The following GORASP2 variants were observed in gnomAD, a reference collection of about 807,000 sequenced individuals.
GORASP2 encodes the protein golgi reassembly stacking protein 2.
GORASP2 carries 22 observed loss-of-function variants against 45.7 expected under a neutral mutation model. The observed-to-expected ratio is 0.48, with a 90% confidence interval of 0.34 to 0.69. The LOEUF is 0.69. GORASP2 is among the 30% of genes least tolerant of loss of function. The probability of loss-of-function intolerance (pLI) is 0.01; values close to 1 mark genes in which losing one functional copy is unlikely to be tolerated. For synonymous variants in GORASP2, 221 were observed against 215.6 expected (o/e 1.02, Z -0.22); for missense variants, 491 against 562.7 (o/e 0.87, Z 1.29).
At chr2:170,937,897 A>AG (rs1703993358) in intron 1 of GORASP2, among the ~76,000 whole-genome samples, 1 of 152,242 alleles carries the variant, frequency 6.6e-6, no homozygotes, top group Non-Finnish European at 1.5e-5. Context: ...CAACCACCAG[A>AG]GACCACCTTT....
At chr2:170,929,427 G>T in intron 1 of GORASP2, 24 bp downstream of exon 1, 1 of 1,357,470 alleles carries the variant, frequency 7.4e-7, no homozygotes, top group Non-Finnish European at 9.5e-7. Context: ...CGGCGGCCGG[G>T]GAGCTGCGGG....
In GORASP2 at chr2:170,966,025, T is replaced by C; in HGVS notation, c.1254T>C (p.Thr418=). ...SSLTVDVTPP[T]AKAPTTVEDR... ...TCACTGTGGATGTGACGCCCCCCAC[T>C]GCCAAGGCCCCCACCACCGTTGAGG... Residue 418 remains threonine (T), a synonymous_variant, in exon 10 of 10, where the codon ACT becomes ACC. Transcript: ENST00000234160. 2 of 1,613,854 alleles carry C rather than the reference T, an allele frequency of 1.2e-6. No individual in the cohort carries two copies.
chr2:170,949,790 G>T, intron 3 of GORASP2, 48 bp downstream of exon 3: 1 of 1,381,422 alleles, frequency 7.2e-7, no homozygotes, highest in South Asian at 1.2e-5. Flanking sequence ...AAGCAGTGTG[G>T]AAAGATGTTT....
intron 1 of GORASP2, among the ~76,000 whole-genome samples, chr2:170,939,530 A>C (rs983927495): frequency 6.6e-6 from 1 of 152,232 alleles, no homozygotes; most frequent in Admixed American, 6.5e-5. Flanking sequence ...TATCAGATGG[A>C]AAATTCCAGA....
At chr2:170,933,495 C>T (rs1703875176) in intron 1 of GORASP2, among the ~76,000 whole-genome samples, 7 of 152,122 alleles carry the variant, frequency 4.6e-5, no homozygotes, top group Admixed American at 4.6e-4. Context: ...AGATAGAATG[C>T]TATACATTCG....
Position 170,966,039 on chromosome 2 carries a change from C to A in GORASP2, c.1268C>A (p.Thr423Asn). ...ACGCCCCCCACTGCCAAGGCCCCCA[C>A]CACCGTTGAGGACAGAGTCGGCGAC... ...DVTPPTAKAP[T>N]TVEDRVGDST... Residue 423 changes from threonine (T) to asparagine (N), a missense_variant, in exon 10 of 10, where the codon ACC becomes AAC. Around this residue, in one of 2 missense-constraint regions of GORASP2, gnomAD observed 297 missense variants for 292.3 expected, o/e 1.02. Transcript: ENST00000234160. The A allele has an allele frequency of 1.2e-6, 2 of 1,613,944 alleles. No homozygotes were observed. The highest frequency in any genetic ancestry group is 1.7e-6 in the Non-Finnish European group (2 of 1,179,874).
chr2:170,942,784 CTG>C (rs1395066047), intron 1 of GORASP2, among the ~76,000 whole-genome samples: 1 of 152,214 alleles, frequency 6.6e-6, no homozygotes, highest in South Asian at 2.1e-4. Context: ...ATCTGCCAAA[CTG>C]TTTTCCACAG....
intron 1 of GORASP2, among the ~76,000 whole-genome samples, chr2:170,932,019 A>G (rs1417330641): frequency 6.6e-6 from 1 of 152,350 alleles, no homozygotes; most frequent in East Asian, 1.9e-4. Context: ...TGAGGTCAGG[A>G]GTTCGAGACC....
intron 8 of GORASP2, 148 bp from the exon 9 acceptor site, chr2:170,962,691 A>G (rs1704590926): frequency 1.7e-6 from 1 of 604,916 alleles, no homozygotes. Context: ...TTTGTTATTT[A>G]TATTGTTATG....
intron 1 of GORASP2, among the ~76,000 whole-genome samples, chr2:170,940,598 G>A (rs1234717279): frequency 6.6e-6 from 1 of 151,312 alleles, no homozygotes; most frequent in Admixed American, 6.6e-5. Context: ...AACTTTTAAT[G>A]ATACGGGATC....
intron 9 of GORASP2, among the ~76,000 whole-genome samples, chr2:170,964,892 A>ATTTTTTTT (rs1199571345): frequency 3.9e-4 from 25 of 64,704 alleles, no homozygotes; most frequent in Non-Finnish European, 4.9e-4. Flanking sequence ...ATGCATTTTA[A>ATTTTTTTT]TTTTTTTTTT....
chr2:170,954,747 A>G lies in GORASP2; in HGVS notation c.664A>G (p.Thr222Ala). The change falls in exon 6 of 10, where the codon ACA becomes GCA. Residue 222 changes from threonine (T) to alanine (A), a missense_variant. By Grantham distance (58) the Thr-to-Ala change is moderately conservative. Coordinates refer to ENST00000234160, the MANE Select transcript of GORASP2 (RefSeq NM_015530.5). ...TTCTCTTCCAGGACAAATGGCTGGT[A>G]CACCTATTACACCTCTTAAAGATGG... ...KISLPGQMAG[T>A]PITPLKDGFT... 8.1e-6 allele frequency: 13 copies of G among 1,613,566 alleles called. No homozygotes were observed. The highest frequency in any genetic ancestry group is 1.1e-5 in the Non-Finnish European group (13 of 1,179,500).
At chr2:170,944,105 C>T (rs140771292) in intron 1 of GORASP2, among the ~76,000 whole-genome samples, 19 of 152,130 alleles carry the variant, frequency 1.2e-4, no homozygotes, top group African/African-American at 4.1e-4. Context: ...TTGAAGAAAG[C>T]GAAGATAAAT....
intron 9 of GORASP2, among the ~76,000 whole-genome samples, chr2:170,964,263 A>G (rs1704637360): frequency 6.6e-6 from 1 of 152,228 alleles, no homozygotes; most frequent in South Asian, 2.1e-4. Context: ...CATCGTCACC[A>G]TCTTGTTTCT....
At chr2:170,960,842 G>A (rs796435140) in intron 7 of GORASP2, among the ~76,000 whole-genome samples, 1 of 152,174 alleles carries the variant, frequency 6.6e-6, no homozygotes, top group African/African-American at 2.4e-5. Context: ...TGCATGGTTG[G>A]TTCATACTTT....
At chr2:170,945,871 G>T (rs1032048228) in intron 1 of GORASP2, among the ~76,000 whole-genome samples, 1 of 152,282 alleles carries the variant, frequency 6.6e-6, no homozygotes, top group East Asian at 1.9e-4. Context: ...ATAAATAGCT[G>T]TAGCTTTGTG....
At chr2:170,944,633 T>A (rs1263597035) in intron 1 of GORASP2, among the ~76,000 whole-genome samples, 1 of 152,206 alleles carries the variant, frequency 6.6e-6, no homozygotes, top group Non-Finnish European at 1.5e-5. Context: ...AAGTTTATAC[T>A]TTAAACTTTA....
In GORASP2 at chr2:170,966,982, A is replaced by G. The variant is rs1704701824; in HGVS notation, c.*852A>G. On this transcript the variant is annotated 3_prime_UTR_variant, in exon 10 of 10. Transcript: ENST00000234160. ...GCCACGTGTGCACTTACTACTCTCC[A>G]GTATGTCTTATTACTCTCCAGTATG... 1 of 152,138 alleles carries G rather than the reference A, an allele frequency of 6.6e-6. No homozygotes were observed. The highest frequency in any genetic ancestry group is 6.6e-5 in the Admixed American group (1 of 15,264). The allele number at this position is 152,138 out of a possible 1,614,324, so 9.4% of individuals were successfully genotyped here.
upstream of GORASP2, chr2:170,929,037 C>A (rs998773675): frequency 1.2e-5 from 4 of 323,450 alleles, no homozygotes; most frequent in Non-Finnish European, 2.2e-5. Flanking sequence ...CTGGGGGAAG[C>A]GCATTTCTGT....
Sources: gnomAD v4.1 joint callset for allele counts (sites outside exome capture counted in the v4.1 genomes callset) on GRCh38, gnomAD v4.1.1 for gene constraint, gnomAD v4.1.1 regional missense constraint, MANE v1.5 for transcripts, NCBI Gene and HGNC (gene_info 2026-07-23, HGNC 2026-07-21) for gene names.